ZFYVE16: variants seen among roughly 807,000 people sequenced by gnomAD.
The protein encoded by ZFYVE16 is zinc finger FYVE-type containing 16, also known as zinc finger FYVE domain-containing protein 16.
In ZFYVE16, 89 loss-of-function variants were observed where a neutral mutation model predicts 138.1. That is an observed-to-expected ratio of 0.64 (90% CI 0.54 to 0.77). ZFYVE16 has a LOEUF of 0.77. ZFYVE16 is among the 30% of genes least tolerant of loss of function. ZFYVE16 has a pLI of 0.00. For missense variants in ZFYVE16, 1,793 were observed against 1,786.7 expected (o/e 1.00, Z -0.06); for synonymous variants, 596 against 618.3 (o/e 0.96, Z 0.53).
intron 11 of ZFYVE16, chr5:80,454,040 C>CA (rs1752255959): frequency 6.6e-6 from 1 of 152,172 alleles, no homozygotes; most frequent in Admixed American, 6.5e-5. Context: ...AGCAGTTAAT[C>CA]ATTTCCTTTA....
intron 15 of ZFYVE16, 83 bp from the exon 16 acceptor site, chr5:80,472,678 C>G (rs1202147749): frequency 7.5e-7 from 1 of 1,325,600 alleles, no homozygotes; most frequent in Non-Finnish European, 1.0e-6. Context: ...TTACACAGAA[C>G]ATATTTTGAT....
At chr5:80,435,298 G>A (rs1296784822) in intron 3 of ZFYVE16, among the ~76,000 whole-genome samples, 1 of 152,168 alleles carries the variant, frequency 6.6e-6, no homozygotes, top group South Asian at 2.1e-4. Flanking sequence ...CTCCCAAAGT[G>A]CTGGGATTAC....
chr5:80,419,493 C>T (rs1002915927), intron 1 of ZFYVE16, among the ~76,000 whole-genome samples: 5 of 152,172 alleles, frequency 3.3e-5, no homozygotes, highest in African/African-American at 9.7e-5. Flanking sequence ...TGTGAGTCCT[C>T]CAACTTTGTT....
Position 80,437,754 on chromosome 5 carries a change from ATCC to A in ZFYVE16, c.1070_1072del (p.Ile357_Gln358delinsLys). ...TTTAGACCTTAAGGATAATGATGTA[ATCC>A]AAGATTCCTCTTCAGCTTTACATGT... On this transcript the variant is annotated inframe_deletion, in exon 4 of 19. Transcript: ENST00000505560. 8.1e-6 allele frequency: 13 copies of A among 1,614,134 alleles called. 1 individual carries two copies. The highest frequency in any genetic ancestry group is 1.1e-5 in the Non-Finnish European group (13 of 1,180,002).
At chr5:80,457,481 A>G (rs1273529566) in intron 14 of ZFYVE16, among the ~76,000 whole-genome samples, 1 of 152,234 alleles carries the variant, frequency 6.6e-6, no homozygotes, top group African/African-American at 2.4e-5. Flanking sequence ...AAACGTAACA[A>G]ACAGCATCTA....
intron 5 of ZFYVE16, chr5:80,441,802 G>T: frequency 1.0e-6 from 1 of 985,382 alleles, no homozygotes; most frequent in Non-Finnish European, 1.2e-6. Context: ...TCATTCAGTG[G>T]CACTTGAGGA....
chr5:80,431,585 C>T lies in ZFYVE16; in HGVS notation c.-39-2524C>T, dbSNP rs186174078. On this transcript the variant is annotated intron_variant, in intron 2 of 18. Coordinates refer to ENST00000505560, the MANE Select transcript of ZFYVE16 (RefSeq NM_001284236.3). ...TCAACATAGTTTTGGAAGTTCTGGCCAGGGCACTCAGGCAGGAGAAGGAAA... is the reference window on the plus strand; with the variant it reads ...TCAACATAGTTTTGGAAGTTCTGGCTAGGGCACTCAGGCAGGAGAAGGAAA... Among the ~76,000 whole-genome samples, 74 of 152,234 alleles carry T rather than the reference C, an allele frequency of 4.9e-4. 1 individual carries two copies. Among genetic ancestry groups the T allele is most frequent in the Non-Finnish European group, 4.6e-4 (31 of 68,030 alleles).
At chr5:80,470,099 G>GTGTGTGTGTGTGTGTGTGTA (rs1327173079) in intron 15 of ZFYVE16, among the ~76,000 whole-genome samples, 2 of 121,184 alleles carry the variant, frequency 1.7e-5, no homozygotes, top group African/African-American at 6.8e-5. Flanking sequence ...GTGTGTGTGT[G>GTGTGTGTGTGTGTGTGTGTA]TATTTTTTTT....
Position 80,455,754 on chromosome 5 carries a change from A to C in ZFYVE16, c.3670A>C (p.Thr1224Pro). The C allele has an allele frequency of 6.3e-7, 1 of 1,581,704 alleles. No individual in the cohort carries two copies. The highest frequency in any genetic ancestry group is 1.2e-5 in the South Asian group (1 of 84,848). Residue 1224 changes from threonine (T) to proline (P), a missense_variant, in exon 12 of 19, where the codon ACT (threonine) becomes CCT (proline). Coordinates refer to ENST00000505560, the MANE Select transcript of ZFYVE16 (RefSeq NM_001284236.3). The part of the protein sequence containing the change: ...RKPLFGEIGH[T>P]IMNLLVDLRN... ...ACCTCTTTTTGGAGAAATAGGACAC[A>C]CTATTATGAACTTACTTGTTGTGAG...
rs767473093 is a variant in ZFYVE16, at chr5:80,451,495, A to C, written c.3393A>C (p.Ile1131=). 3.1e-6 allele frequency: 5 copies of C among 1,599,834 alleles called. No homozygotes were observed. Among genetic ancestry groups the C allele is most frequent in the Non-Finnish European group, 4.3e-6 (5 of 1,173,958 alleles). Residue 1131 remains isoleucine, a synonymous_variant, in exon 11 of 19, where the codon ATA becomes ATC. Coordinates refer to ENST00000505560, the MANE Select transcript of ZFYVE16 (RefSeq NM_001284236.3). ...IYKDALKGKY[I]ENLDNITFTE... ...TGATTTTATTTGCAGGAAAATACAT[A>C]GAAAACTTGGACAATATTACCTTTA...
chr5:80,452,761 C>T (rs537834061), intron 11 of ZFYVE16, among the ~76,000 whole-genome samples: 1 of 152,102 alleles, frequency 6.6e-6, no homozygotes, highest in South Asian at 2.1e-4. Context: ...CTTGATGATT[C>T]TTATTTTTAT....
intron 5 of ZFYVE16, among the ~76,000 whole-genome samples, chr5:80,442,815 C>G (rs1269462879): frequency 6.6e-6 from 1 of 152,036 alleles, no homozygotes; most frequent in Non-Finnish European, 1.5e-5. Context: ...TGGAAATAGA[C>G]TCTAGGGGTA....
intron 5 of ZFYVE16, chr5:80,440,921 T>C (rs1750640349): frequency 1.0e-6 from 1 of 985,246 alleles, no homozygotes; most frequent in Admixed American, 6.2e-5. Context: ...TCAGCAATTC[T>C]CCAAAAAGCT....
At chr5:80,459,308 T>C (rs1177601195) in intron 14 of ZFYVE16, 106 bp from the exon 15 acceptor site, 2 of 760,998 alleles carry the variant, frequency 2.6e-6, no homozygotes, top group East Asian at 5.5e-5. Flanking sequence ...TGTGTGGGTA[T>C]AACATTTATT....
At chr5:80,458,248 T>C (rs904478943) in intron 14 of ZFYVE16, among the ~76,000 whole-genome samples, 139 of 152,266 alleles carry the variant, frequency 9.1e-4, no homozygotes, top group African/African-American at 3.1e-3. Context: ...ATTTGTTGAA[T>C]AGGTATATTT....
intron 3 of ZFYVE16, among the ~76,000 whole-genome samples, chr5:80,434,859 T>C (rs1749649172): frequency 6.6e-6 from 1 of 152,026 alleles, no homozygotes; most frequent in African/African-American, 2.4e-5. Context: ...GGTATTTTAT[T>C]TTATTATTAT....
intron 15 of ZFYVE16, among the ~76,000 whole-genome samples, chr5:80,470,963 C>G (rs1047129714): frequency 2.0e-5 from 3 of 151,952 alleles, no homozygotes; most frequent in African/African-American, 7.3e-5. Context: ...AGTTGGACTA[C>G]CAGAATGAGC....
rs1335970197 is a variant in ZFYVE16 at position 80,456,477 on chromosome 5, A to G, written c.3707A>G (p.Gln1236Arg). Residue 1236 changes from glutamine (Q) to arginine (R), a missense_variant, in exon 13 of 19, where the codon CAG becomes CGG. Physicochemically the swap from Gln to Arg is conservative, Grantham distance 43 (BLOSUM62 1). Coordinates refer to ENST00000505560, the MANE Select transcript of ZFYVE16 (RefSeq NM_001284236.3). ...TCTATGTAGGACCTTCGAAATTACC[A>G]GTATACCTTGCATAATATAGATCAA... ...MNLLVDLRNY[Q>R]YTLHNIDQLL... The G allele has an allele frequency of 6.2e-7, 1 of 1,612,078 alleles. No individual in the cohort carries two copies. The highest frequency in any genetic ancestry group is 8.5e-7 in the Non-Finnish European group (1 of 1,178,982).
chr5:80,477,260 G>C lies in ZFYVE16; in HGVS notation c.4503G>C (p.Gln1501His). The C allele has an allele frequency of 1.9e-6, 3 of 1,604,818 alleles. No individual in the cohort carries two copies. Among genetic ancestry groups the C allele is most frequent in the Non-Finnish European group, 8.5e-7 (1 of 1,177,532 alleles). The change falls in exon 19 of 19, where the codon CAG becomes CAC. Residue 1501 changes from glutamine to histidine, a missense_variant. Gln to His is a conservative substitution (Grantham distance 24). Transcript: ENST00000505560. The part of the protein sequence containing the change: ...QAGSEGQLLP[Q>H]HYLNDLDSAL... ...GATCTGAAGGCCAACTTCTGCCTCA[G>C]CATTATCTAAATGATCTTGATAGTG...
Sources: gnomAD v4.1 joint callset for allele counts (sites outside exome capture counted in the v4.1 genomes callset) on GRCh38, gnomAD v4.1.1 for gene constraint, MANE v1.5 for transcripts, NCBI Gene and HGNC (gene_info 2026-07-23, HGNC 2026-07-21) for gene names.